GABRB3: variants seen among roughly 807,000 people sequenced by gnomAD.
GABRB3 encodes gamma-aminobutyric acid type A receptor subunit beta3, also known as gamma-aminobutyric acid receptor subunit beta-3.
In GABRB3, 14 loss-of-function variants were observed where a neutral mutation model predicts 52.1. That is an observed-to-expected ratio of 0.27 (90% confidence interval 0.18 to 0.42). GABRB3 has a LOEUF of 0.42. Among genes scored for constraint, GABRB3 ranks in the 10% least tolerant of loss-of-function variants. The probability of loss-of-function intolerance (pLI) is 1.00; values close to 1 mark genes in which losing one functional copy is unlikely to be tolerated. For synonymous variants in GABRB3, 260 were observed against 232.3 expected, an observed-to-expected ratio of 1.12 and a Z score of -1.08; for missense variants, 307 against 609.1, an observed-to-expected ratio of 0.50 and a Z score of 5.22.
intron 4 of GABRB3, among the ~76,000 whole-genome samples, chr15:26,607,342 A>G (rs1188647036): frequency 2.0e-5 from 3 of 152,168 alleles, no homozygotes. Context: ...TCAATGTGGC[A>G]AGAGGATTGT....
chr15:26,721,393 T>C (rs1449452599), intron 3 of GABRB3, among the ~76,000 whole-genome samples: 2 of 152,008 alleles, frequency 1.3e-5, no homozygotes, highest in Non-Finnish European at 2.9e-5. Context: ...CACTCATCAA[T>C]GGAGAGGCGC....
intron 3 of GABRB3, chr15:26,629,314 G>A (rs1177269682): frequency 5.9e-6 from 4 of 681,816 alleles, no homozygotes; most frequent in Non-Finnish European, 8.9e-6. Flanking sequence ...AAAAGGCGTG[G>A]CCCAGCTCAG....
chr15:26,636,666 T>G (rs1893070491), intron 3 of GABRB3, among the ~76,000 whole-genome samples: 1 of 152,164 alleles, frequency 6.6e-6, no homozygotes, highest in African/African-American at 2.4e-5. Flanking sequence ...AACTCCAGAA[T>G]CAACTCAACA....
intron 3 of GABRB3, chr15:26,716,481 T>C (rs975238529): frequency 1.3e-5 from 7 of 526,092 alleles, no homozygotes; most frequent in Admixed American, 1.3e-4. Flanking sequence ...ATCTTCACAA[T>C]TGCCATGAAG....
intron 4 of GABRB3, among the ~76,000 whole-genome samples, chr15:26,598,457 A>T (rs1332905642): frequency 1.3e-5 from 2 of 152,180 alleles, no homozygotes; most frequent in Non-Finnish European, 2.9e-5. Flanking sequence ...CACTGTCTAC[A>T]GACCGGAACA....
intron 3 of GABRB3, among the ~76,000 whole-genome samples, chr15:26,670,696 A>G (rs182122972): frequency 6.8e-4 from 104 of 152,306 alleles, no homozygotes; most frequent in Non-Finnish European, 1.3e-3. Context: ...AAAATTATGA[A>G]GTGTAACTGT....
At chr15:26,760,400 C>T (rs761631931) in intron 3 of GABRB3, among the ~76,000 whole-genome samples, 3 of 152,128 alleles carry the variant, frequency 2.0e-5, no homozygotes, top group African/African-American at 4.8e-5. Flanking sequence ...CAAACCCTTC[C>T]TTGGGATCTA....
intron 3 of GABRB3, among the ~76,000 whole-genome samples, chr15:26,628,287 T>C (rs564744209): frequency 6.6e-6 from 1 of 152,342 alleles, no homozygotes; most frequent in Admixed American, 6.5e-5. Flanking sequence ...GTGCCTGTAT[T>C]TACTCAGTTA....
intron 4 of GABRB3, among the ~76,000 whole-genome samples, chr15:26,602,225 A>G (rs1215692743): frequency 6.6e-6 from 1 of 152,178 alleles, no homozygotes; most frequent in Non-Finnish European, 1.5e-5. Context: ...TTGCAAACAT[A>G]TATGAATCCA....
At chr15:26,554,403 C>A (rs1219369038) in intron 8 of GABRB3, among the ~76,000 whole-genome samples, 1 of 150,988 alleles carries the variant, frequency 6.6e-6, no homozygotes, top group African/African-American at 2.4e-5. Flanking sequence ...ATCTAGTAGA[C>A]CAGAATTAAC....
chr15:26,746,638 C>T (rs34494958), intron 3 of GABRB3, among the ~76,000 whole-genome samples: 38,967 of 148,092 alleles, frequency 0.26, 5,314 homozygotes, highest in African/African-American at 0.28. Context: ...AAGTCATTTG[C>T]CCATCACCAC....
At chr15:26,747,269 T>C (rs1890372541) in intron 3 of GABRB3, among the ~76,000 whole-genome samples, 1 of 152,214 alleles carries the variant, frequency 6.6e-6, no homozygotes, top group African/African-American at 2.4e-5. Flanking sequence ...ACAAAAATCC[T>C]TGCTGGGACT....
At chr15:26,689,319 A>T (rs1168281222) in intron 3 of GABRB3, among the ~76,000 whole-genome samples, 1 of 152,166 alleles carries the variant, frequency 6.6e-6, no homozygotes, top group African/African-American at 2.4e-5. Context: ...CATAAACCTG[A>T]AAAAGAGAAC....
chr15:26,769,890 C>T (rs945592016), intron 3 of GABRB3, among the ~76,000 whole-genome samples: 2 of 152,180 alleles, frequency 1.3e-5, no homozygotes, highest in South Asian at 2.1e-4. Flanking sequence ...TAAAGTGAGA[C>T]CATTTATTAT....
chr15:26,764,296 G>T (rs1416614922), intron 3 of GABRB3, among the ~76,000 whole-genome samples: 1 of 141,498 alleles, frequency 7.1e-6, no homozygotes, highest in African/African-American at 2.7e-5. Context: ...TTTTATTGTA[G>T]AACTGGGGTA....
intron 3 of GABRB3, among the ~76,000 whole-genome samples, chr15:26,737,092 G>T (rs1235750979): frequency 6.6e-6 from 1 of 152,202 alleles, no homozygotes; most frequent in African/African-American, 2.4e-5. Flanking sequence ...AAACTCTCTA[G>T]GTCTGTTCCA....
At chr15:26,567,757 T>C (rs1165992745) in intron 6 of GABRB3, 24 bp from the exon 7 acceptor site, 1 of 1,612,030 alleles carries the variant, frequency 6.2e-7, no homozygotes, top group African/African-American at 1.3e-5. Flanking sequence ...ACAAGGATAT[T>C]ACACTGGAGA....
At chr15:26,714,816 T>A (rs888361010) in intron 3 of GABRB3, among the ~76,000 whole-genome samples, 32 of 152,188 alleles carry the variant, frequency 2.1e-4, no homozygotes, top group African/African-American at 7.2e-4. Context: ...TAAAGGTGCA[T>A]AGGAAATCAC....
At chr15:26,757,279 T>C (rs967360118) in intron 3 of GABRB3, among the ~76,000 whole-genome samples, 15 of 152,150 alleles carry the variant, frequency 9.9e-5, no homozygotes, top group Admixed American at 5.2e-4. Context: ...AACTCATCCC[T>C]TTCTTCACTC....
Sources: allele counts gnomAD v4.1 joint callset (sites outside exome capture counted in the v4.1 genomes callset), GRCh38; gene constraint gnomAD v4.1.1; transcripts MANE v1.5; gene names NCBI Gene and HGNC (gene_info 2026-07-23, HGNC 2026-07-21).